Variants in KCNMB3 observed in about 807,000 individuals in gnomAD.
KCNMB3 encodes the protein potassium calcium-activated channel subfamily M regulatory beta subunit 3.
In KCNMB3, 18 loss-of-function variants were observed where a neutral mutation model predicts 11.9. The ratio of observed to expected loss-of-function variants is 1.51; its 90% CI spans 1.04 to 2.23. The LOEUF is 2.23. Among genes scored for constraint, KCNMB3 ranks in the 30% most tolerant of loss-of-function variants. KCNMB3 has a pLI of 0.00. For synonymous variants in KCNMB3, 78 were observed against 119.2 expected (o/e 0.65, Z 2.25); for missense variants, 247 against 329.4 (o/e 0.75, Z 1.94).
At chr3:179,261,227 C>T in intron 1 of KCNMB3, 2 of 1,362,780 alleles carry the variant, frequency 1.5e-6, no homozygotes, top group Admixed American at 2.9e-5. Context: ...CGCTTCCGCG[C>T]TCAAACAGTA....
upstream of KCNMB3, among the ~76,000 whole-genome samples, chr3:179,252,701 A>C (rs933691703): frequency 1.2e-4 from 18 of 151,630 alleles, no homozygotes; most frequent in Admixed American, 2.6e-4. Context: ...AGGGGCATGG[A>C]AAAAAAATTT....
chr3:179,240,078 A>C (rs1431393132), downstream of KCNMB3: 6 of 1,522,460 alleles, frequency 3.9e-6, no homozygotes, highest in Admixed American at 2.1e-5. Context: ...TTTATTAAAA[A>C]AAAAAAGAAA....
chr3:179,242,487 C>CTGT (rs1469014508), downstream of KCNMB3: 2 of 152,402 alleles, frequency 1.3e-5, no homozygotes, highest in African/African-American at 4.8e-5. Context: ...AGTGAACAAA[C>CTGT]TGTTAAGAAC....
chr3:179,258,955 G>A (rs750671275), intron 1 of KCNMB3: 3 of 1,614,030 alleles, frequency 1.9e-6, no homozygotes, highest in East Asian at 4.5e-5. Flanking sequence ...TACATTGGCA[G>A]TGGAGAGAAA....
chr3:179,255,964 G>A (rs1315165454), upstream of KCNMB3, among the ~76,000 whole-genome samples: 1 of 152,138 alleles, frequency 6.6e-6, no homozygotes, highest in Admixed American at 6.6e-5. Context: ...TCCTCTCAAT[G>A]AATAAAGACA....
exon 1 of KCNMB3, chr3:179,266,823 G>T (rs1234543290): frequency 5.4e-6 from 8 of 1,470,192 alleles, no homozygotes; most frequent in Non-Finnish European, 6.3e-6. Flanking sequence ...GGAGCCCCCA[G>T]CCCCCAGCGC....
At position 179,251,108 on chromosome 3, in the gene KCNMB3, A is replaced by T. The variant is rs781348343; in HGVS notation, c.-118T>A. 3.7e-6 allele frequency: 6 copies of T among 1,614,134 alleles called. No homozygotes were observed. The highest frequency in any genetic ancestry group is 1.7e-5 in the Admixed American group (1 of 60,008). On this transcript the variant is annotated 5_prime_UTR_variant, in exon 1 of 3. Coordinates refer to ENST00000392685, the MANE Select transcript of KCNMB3 (RefSeq NM_171830.2). Reference sequence around the variant, plus strand: ...AGAGCTTGGTGAAAAGTCCATCTAAATAAGCTAAAGTGATGTGTAATCAAG... The same window carrying T: ...AGAGCTTGGTGAAAAGTCCATCTAATTAAGCTAAAGTGATGTGTAATCAAG...
downstream of KCNMB3, chr3:179,240,238 A>G (rs964144530): frequency 3.1e-5 from 16 of 523,746 alleles, no homozygotes; most frequent in African/African-American, 3.1e-4. Flanking sequence ...AATGACTAAG[A>G]ATACTTGATT....
chr3:179,259,778 A>G (rs979136679), intron 1 of KCNMB3: 8 of 1,600,434 alleles, frequency 5.0e-6, no homozygotes, highest in Non-Finnish European at 6.8e-6. Context: ...CCTGTTGGTC[A>G]TTCTTTTCTT....
At chr3:179,248,164 A>G (rs1156240575) in intron 1 of KCNMB3, among the ~76,000 whole-genome samples, 1 of 152,140 alleles carries the variant, frequency 6.6e-6, no homozygotes. Flanking sequence ...TGACAGGCAT[A>G]TTATTTACCG....
chr3:179,251,239 G>A (rs1453565058), upstream of KCNMB3: 1 of 1,506,512 alleles, frequency 6.6e-7, no homozygotes, highest in East Asian at 2.4e-5. Flanking sequence ...GTAAATAAGT[G>A]TTACGAACTT....
chr3:179,266,658 C>T (rs893197704), exon 1 of KCNMB3: 1 of 1,614,130 alleles, frequency 6.2e-7, no homozygotes, highest in South Asian at 1.1e-5. Flanking sequence ...CCTCCCCTGG[C>T]GCCTCCGGCT....
chr3:179,261,911 T>G (rs989990771), intron 1 of KCNMB3, among the ~76,000 whole-genome samples: 3 of 152,170 alleles, frequency 2.0e-5, no homozygotes, highest in Admixed American at 6.5e-5. Context: ...AAGGGTGAAA[T>G]TTATAGGCAA....
intron 1 of KCNMB3, chr3:179,261,333 C>A (rs925963963): frequency 4.2e-6 from 5 of 1,187,124 alleles, no homozygotes; most frequent in Admixed American, 4.7e-5. Context: ...GCCGGAGCCC[C>A]CCCCCGCGGG....
chr3:179,239,904 A>G (rs994151424), downstream of KCNMB3: 9 of 767,774 alleles, frequency 1.2e-5, no homozygotes, highest in Non-Finnish European at 1.9e-5. Flanking sequence ...GTGTTACTAT[A>G]TTGAGAATAT....
At chr3:179,260,799 C>T (rs1726181042) in intron 1 of KCNMB3, 1 of 1,372,978 alleles carries the variant, frequency 7.3e-7, no homozygotes, top group East Asian at 2.3e-5. Flanking sequence ...TTGTTTTTCT[C>T]TTCGTACTGC....
chr3:179,242,780 A>G lies in KCNMB3; in HGVS notation c.*124T>C. On this transcript the variant is annotated 3_prime_UTR_variant, in exon 3 of 3. Transcript: ENST00000392685. Reference sequence around the variant, plus strand: ...AAATGAGGCTTTTAAATTTTTTCCCACATGAAAATATGATACTTTAATTAT... The same window carrying G: ...AAATGAGGCTTTTAAATTTTTTCCCGCATGAAAATATGATACTTTAATTAT... 3.2e-5 allele frequency: 44 copies of G among 1,392,374 alleles called. No individual in the cohort carries two copies. The highest frequency in any genetic ancestry group is 4.2e-5 in the Non-Finnish European group (44 of 1,057,824). 86.3% of individuals were successfully genotyped at this position (1,392,374 alleles called of 1,614,324 possible). A position where few individuals can be genotyped will look rare whatever the true frequency, so the allele number is the denominator to read the frequency against.
chr3:179,257,265 T>C (rs1402317213), intron 1 of KCNMB3, among the ~76,000 whole-genome samples: 1 of 152,260 alleles, frequency 6.6e-6, no homozygotes, highest in Non-Finnish European at 1.5e-5. Flanking sequence ...TTTTTACAAC[T>C]ATAAAATGTT....
At chr3:179,249,650 C>T (rs994684542) in intron 1 of KCNMB3, among the ~76,000 whole-genome samples, 2 of 151,856 alleles carry the variant, frequency 1.3e-5, no homozygotes, top group Non-Finnish European at 1.5e-5. Flanking sequence ...TCCAGCCTGG[C>T]GACAGAGCAA....
Sources: allele counts gnomAD v4.1 joint callset (sites outside exome capture counted in the v4.1 genomes callset), GRCh38; gene constraint gnomAD v4.1.1; transcripts MANE v1.5; gene names NCBI Gene and HGNC (gene_info 2026-07-23, HGNC 2026-07-21).